The following PTOV1 variants were observed in gnomAD, a reference collection of about 807,000 sequenced individuals.
PTOV1 encodes prostate tumor-overexpressed gene 1 protein.
A neutral mutation model predicts 58.0 loss-of-function variants in PTOV1; 20 were observed. The ratio of observed to expected loss-of-function variants is 0.34; its 90% CI spans 0.24 to 0.50. PTOV1 has a LOEUF of 0.50. Among genes scored for constraint, PTOV1 ranks in the 20% least tolerant of loss-of-function variants. The probability of loss-of-function intolerance (pLI) is 0.98; values close to 1 mark genes in which losing one functional copy is unlikely to be tolerated. For synonymous variants in PTOV1, 335 were observed against 234.2 expected (o/e 1.43, Z -3.93); for missense variants, 593 against 565.4 (o/e 1.05, Z -0.50).
At chr19:49,860,506 G>C (rs2074710581) in exon 12 of PTOV1, 2 of 668,394 alleles carry the variant, frequency 3.0e-6, no homozygotes, top group Admixed American at 5.9e-5. Context: ...TCAGGGCCAT[G>C]GGAGGTGGTA....
exon 8 of PTOV1, chr19:49,857,919 A>C (rs755044555): frequency 6.2e-7 from 1 of 1,613,870 alleles, no homozygotes; most frequent in Non-Finnish European, 8.5e-7. Flanking sequence ...GCCTGAGCCC[A>C]ACAGTCGGTC....
intron 5 of PTOV1, chr19:49,856,312 G>GATCCCTGGGCTGGAC (rs2074463853): frequency 1.3e-5 from 2 of 152,692 alleles, no homozygotes; most frequent in East Asian, 3.9e-4. Context: ...CTGAGCGGGT[G>GATCCCTGGGCTGGAC]ATCCCTGGGC....
chr19:49,858,875 C>A (rs925489745), intron 10 of PTOV1: 1 of 519,862 alleles, frequency 1.9e-6, no homozygotes, highest in Admixed American at 3.1e-5. Context: ...CCTCCTCTGC[C>A]ACATCAGGGC....
chr19:49,860,509 AGGTGGTATCCAGGCCTG>A lies in PTOV1; in HGVS notation c.*236_*252del, dbSNP rs931860381. ...TGCAGCCCAGCCTCAGGGCCATGGG[AGGTGGTATCCAGGCCTG>A]GGTGGGGCCAGGCCTCTGCTCACAG... On this transcript the variant is annotated 3_prime_UTR_variant, in exon 12 of 12. Coordinates refer to ENST00000391842, the Ensembl canonical transcript of PTOV1. 6.0e-6 allele frequency: 4 copies of A among 663,004 alleles called. No homozygotes were observed. The African/African-American group carries it at 7.3e-5, about 12-fold the overall frequency. The allele number at this position is 663,004 out of a possible 1,614,324, so 41.1% of individuals were successfully genotyped here.
intron 1 of PTOV1, 82 bp downstream of exon 1, chr19:49,851,581 G>GC: frequency 9.9e-7 from 1 of 1,009,858 alleles, no homozygotes; most frequent in Non-Finnish European, 1.2e-6. Flanking sequence ...TTTGTCCGCA[G>GC]CCCCCGCCGC....
At chr19:49,857,645 T>C (rs749289099) in intron 6 of PTOV1, 48 bp from the exon 7 acceptor site, 3 of 1,558,204 alleles carry the variant, frequency 1.9e-6, no homozygotes, top group Non-Finnish European at 1.8e-6. Flanking sequence ...GACAGACAGG[T>C]TTCCCAGGAG....
chr19:49,858,469 C>T (rs2074581096), intron 9 of PTOV1, 80 bp from the exon 10 acceptor site: 5 of 1,176,784 alleles, frequency 4.2e-6, no homozygotes, highest in Non-Finnish European at 2.4e-6. Flanking sequence ...TGGTCCTGGG[C>T]CCGGGGGACT....
In PTOV1 at chr19:49,857,148, AGCC is replaced by A. The variant is rs763744905; in HGVS notation, c.714+19_714+21del. 35 of 1,613,814 alleles carry A rather than the reference AGCC, an allele frequency of 2.2e-5. No individual in the cohort carries two copies. The East Asian group carries it at 7.6e-4, about 35-fold the overall frequency. ...GCAAGCAGGTGTGCCAGCCAAGCAC[AGCC>A]CCTCTGGGGACAGAGGGGGATTAGA... On this transcript the variant is annotated intron_variant, in intron 6 of 11. Transcript: ENST00000391842.
intron 9 of PTOV1, 77 bp from the exon 10 acceptor site, chr19:49,858,471 CG>C: frequency 5.0e-6 from 6 of 1,211,910 alleles, no homozygotes; most frequent in Non-Finnish European, 5.9e-6. Flanking sequence ...GTCCTGGGCC[CG>C]GGGGACTCAG....
chr19:49,859,916 T>G, intron 10 of PTOV1, 70 bp from the exon 11 acceptor site: 1 of 1,521,856 alleles, frequency 6.6e-7, no homozygotes, highest in Non-Finnish European at 9.1e-7. Flanking sequence ...GCCCACGGCA[T>G]GATGCCGTGG....
chr19:49,858,798 C>A (rs561399080), intron 10 of PTOV1, 145 bp downstream of exon 10: 8 of 688,158 alleles, frequency 1.2e-5, no homozygotes, highest in Non-Finnish European at 2.0e-5. Context: ...GGCGTGACTT[C>A]TGGGGGCTCT....
chr19:49,853,865 T>A (rs147320379), intron 1 of PTOV1, among the ~76,000 whole-genome samples: 1 of 152,196 alleles, frequency 6.6e-6, no homozygotes, highest in Non-Finnish European at 1.5e-5. Context: ...GTCAGACTTA[T>A]AAGGCCAGAG....
chr19:49,850,721 G>A, upstream of PTOV1: 1 of 832,166 alleles, frequency 1.2e-6, no homozygotes, highest in Non-Finnish European at 1.8e-6. Context: ...CCACGTCACC[G>A]ACTGCAAACC....
rs745766571 is a variant in PTOV1 at position 49,858,106 on chromosome 19, C to T, written c.928C>T (p.Gln310Ter). 6.2e-7 allele frequency: 1 copy of T among 1,613,518 alleles called. No individual in the cohort carries two copies. Among genetic ancestry groups the T allele is most frequent in the Non-Finnish European group, 8.5e-7 (1 of 1,179,906 alleles). The change falls in exon 9 of 12, where the codon CAG (glutamine) becomes TAG (stop). Residue 310 changes from glutamine (Q) to a stop codon, truncating the protein, a stop_gained. Coordinates refer to ENST00000391842, the Ensembl canonical transcript of PTOV1. LOFTEE classifies it high-confidence loss of function. ...GCTGTACATGCAGCTCATCCCGCAG[C>T]AGCTGCTGGTGAGGGGCTGGGGCCG...
rs377241124 is a variant in PTOV1, at chr19:49,856,963, C to A, written c.559-12C>A. On this transcript the variant is annotated splice_polypyrimidine_tract_variant and intron_variant, in intron 5 of 11. Coordinates refer to ENST00000391842, the Ensembl canonical transcript of PTOV1. ...GCAGTGACCACAGGGTCCTGACCCG[C>A]GGCCCCCGCAGGCGGGCTGCATGCT... 1 of 1,612,030 alleles carries A rather than the reference C, an allele frequency of 6.2e-7. No homozygotes were observed. The highest frequency in any genetic ancestry group is 1.1e-5 in the South Asian group (1 of 90,994).
chr19:49,855,357 G>A (rs1432071236), intron 5 of PTOV1: 1 of 487,350 alleles, frequency 2.1e-6, no homozygotes, highest in Non-Finnish European at 3.8e-6. Flanking sequence ...GGCCAGCCCT[G>A]TTGGGGCCCA....
chr19:49,857,637 C>T, intron 6 of PTOV1, 56 bp from the exon 7 acceptor site: 3 of 1,523,966 alleles, frequency 2.0e-6, no homozygotes, highest in Non-Finnish European at 2.7e-6. Context: ...CCAGGACAGA[C>T]AGACAGGTTT....
At chr19:49,853,494 A>G (rs952830595) in intron 1 of PTOV1, among the ~76,000 whole-genome samples, 1 of 48,282 alleles carries the variant, frequency 2.1e-5, no homozygotes, top group African/African-American at 9.3e-5. Flanking sequence ...CATCTCTACT[A>G]AAAAAAAAAA....
At chr19:49,853,490 T>C (rs1354452165) in intron 1 of PTOV1, among the ~76,000 whole-genome samples, 1 of 119,152 alleles carries the variant, frequency 8.4e-6, no homozygotes, top group Non-Finnish European at 1.7e-5. Flanking sequence ...ACCCCATCTC[T>C]ACTAAAAAAA....
Sources: gnomAD v4.1 joint callset for allele counts (sites outside exome capture counted in the v4.1 genomes callset) on GRCh38, gnomAD v4.1.1 for gene constraint, MANE v1.5 for transcripts, NCBI Gene and HGNC (gene_info 2026-07-23, HGNC 2026-07-21) for gene names.